Variants in MSRA observed in about 807,000 individuals in gnomAD.
MSRA encodes the protein methionine sulfoxide reductase A, also known as mitochondrial peptide methionine sulfoxide reductase.
A neutral mutation model predicts 31.3 loss-of-function variants in MSRA; 54 were observed. That is an observed-to-expected ratio of 1.73 (90% CI 1.39 to 2.17). The LOEUF (loss-of-function observed/expected upper bound fraction) is 2.17, where lower values mean the gene tolerates loss of function less well. MSRA is among the 30% of genes most tolerant of loss of function. The probability of loss-of-function intolerance (pLI) is 0.00; values close to 1 mark genes in which losing one functional copy is unlikely to be tolerated. For missense variants in MSRA, 507 were observed against 300.9 expected (o/e 1.69, Z -5.07); for synonymous variants, 169 against 116.5 (o/e 1.45, Z -2.90).
At chr8:10,127,822 C>T (rs1801608647) in intron 1 of MSRA, among the ~76,000 whole-genome samples, 1 of 152,084 alleles carries the variant, frequency 6.6e-6, no homozygotes, top group Admixed American at 6.5e-5. Flanking sequence ...AAAACCTCAT[C>T]CTTTTATCTT....
At chr8:10,145,876 T>G (rs1422310059) in intron 1 of MSRA, among the ~76,000 whole-genome samples, 1 of 152,190 alleles carries the variant, frequency 6.6e-6, no homozygotes, top group Non-Finnish European at 1.5e-5. Context: ...GAAAGCTTAT[T>G]CAATATCATT....
At position 10,183,772 on chromosome 8, in the gene MSRA, C is replaced by CTGGTGG. The variant is rs144951163; in HGVS notation, c.143-24028_143-24023dup. 2.0e-3 allele frequency among the ~76,000 whole-genome samples: 280 copies of CTGGTGG among 141,992 alleles called. 2 individuals are homozygous for CTGGTGG. Among genetic ancestry groups the CTGGTGG allele is most frequent in the African/African-American group, 6.9e-3 (256 of 37,174 alleles). The allele number at this position is 141,992 out of a possible 152,430, so 93.2% of individuals were successfully genotyped here. A position where few individuals can be genotyped will look rare whatever the true frequency, so the allele number is the denominator to read the frequency against. On this transcript the variant is annotated intron_variant, in intron 1 of 5. Coordinates refer to ENST00000317173, the MANE Select transcript of MSRA (RefSeq NM_012331.5). ...TGTGGCATCAGGGTGACAAGCTGAG[C>CTGGTGG]TGGTGGTGGTGGTGGTGGTGGTGGT...
At chr8:10,203,159 A>G (rs1285508831) in intron 1 of MSRA, among the ~76,000 whole-genome samples, 4 of 152,144 alleles carry the variant, frequency 2.6e-5, no homozygotes, top group Non-Finnish European at 4.4e-5. Context: ...TGATGAGGGA[A>G]TAGCAAGTGA....
intron 1 of MSRA, among the ~76,000 whole-genome samples, chr8:10,166,926 G>A (rs931239869): frequency 6.6e-6 from 1 of 152,102 alleles, no homozygotes; most frequent in Non-Finnish European, 1.5e-5. Context: ...AGCCATGATG[G>A]GTCTAGTGTA....
chr8:10,158,914 C>T (rs926306369), intron 1 of MSRA, among the ~76,000 whole-genome samples: 1 of 152,182 alleles, frequency 6.6e-6, no homozygotes, highest in African/African-American at 2.4e-5. Context: ...TTGATTATAG[C>T]CACTCTACTG....
intron 1 of MSRA, among the ~76,000 whole-genome samples, chr8:10,124,702 T>G (rs374156141): frequency 6.6e-6 from 1 of 152,236 alleles, no homozygotes; most frequent in Non-Finnish European, 1.5e-5. Context: ...CACTTATCTT[T>G]CCTGAAATTT....
At chr8:10,283,497 C>T (rs1056581045) in intron 3 of MSRA, among the ~76,000 whole-genome samples, 7 of 151,762 alleles carry the variant, frequency 4.6e-5, no homozygotes, top group Non-Finnish European at 1.0e-4. Context: ...TACATGAGTG[C>T]ATTCTTTAGT....
chr8:10,381,859 C>T (rs1368473273), intron 5 of MSRA, among the ~76,000 whole-genome samples: 1 of 152,132 alleles, frequency 6.6e-6, no homozygotes, highest in Non-Finnish European at 1.5e-5. Flanking sequence ...GAAAAATCAC[C>T]CTGGGTGATC....
At chr8:10,288,187 TTA>T (rs966389921) in intron 3 of MSRA, among the ~76,000 whole-genome samples, 4 of 152,232 alleles carry the variant, frequency 2.6e-5, no homozygotes, top group African/African-American at 4.8e-5. Flanking sequence ...TTTAAAAAAA[TTA>T]TAGTCGCCCT....
intron 4 of MSRA, among the ~76,000 whole-genome samples, chr8:10,304,321 A>G (rs1444651800): frequency 6.6e-6 from 1 of 152,264 alleles, no homozygotes; most frequent in Non-Finnish European, 1.5e-5. Context: ...ATATATTCCT[A>G]CAGGAAGAAA....
At chr8:10,254,948 A>C (rs1464340572) in intron 3 of MSRA, among the ~76,000 whole-genome samples, 1 of 152,234 alleles carries the variant, frequency 6.6e-6, no homozygotes, top group Admixed American at 6.5e-5. Flanking sequence ...TGGACTTTAC[A>C]GGTCATCTGT....
chr8:10,305,084 A>C (rs556901200), intron 4 of MSRA, among the ~76,000 whole-genome samples: 1 of 152,334 alleles, frequency 6.6e-6, no homozygotes, highest in South Asian at 2.1e-4. Flanking sequence ...AGCATGTTGA[A>C]AGATTTTAGT....
chr8:10,424,769 C>T (rs1055969264), intron 5 of MSRA, among the ~76,000 whole-genome samples: 2 of 152,134 alleles, frequency 1.3e-5, no homozygotes, highest in African/African-American at 2.4e-5. Context: ...TGGGGCAGGC[C>T]CAGATCTCCC....
At chr8:10,393,479 C>G (rs1806891680) in intron 5 of MSRA, among the ~76,000 whole-genome samples, 1 of 152,180 alleles carries the variant, frequency 6.6e-6, no homozygotes, top group African/African-American at 2.4e-5. Flanking sequence ...CATTCTATGG[C>G]TGACACAGCG....
chr8:10,236,738 G>T (rs562807629), intron 2 of MSRA, among the ~76,000 whole-genome samples: 1 of 152,140 alleles, frequency 6.6e-6, no homozygotes, highest in Non-Finnish European at 1.5e-5. Flanking sequence ...TAGAGATGGG[G>T]TTTTACTATG....
chr8:10,289,101 T>A (rs990284192), intron 3 of MSRA, among the ~76,000 whole-genome samples: 13 of 152,028 alleles, frequency 8.6e-5, no homozygotes, highest in Non-Finnish European at 1.8e-4. Flanking sequence ...CTGCAACCTC[T>A]GCCTCCCAGG....
intron 3 of MSRA, among the ~76,000 whole-genome samples, chr8:10,279,584 A>G (rs1225580449): frequency 6.6e-6 from 1 of 152,168 alleles, no homozygotes; most frequent in East Asian, 1.9e-4. Flanking sequence ...TTTTTTCCCC[A>G]TATGCATCCC....
intron 1 of MSRA, among the ~76,000 whole-genome samples, chr8:10,088,737 GAAAA>G (rs1211071786): frequency 6.7e-6 from 1 of 148,430 alleles, no homozygotes; most frequent in South Asian, 2.1e-4. Context: ...CTTCATCTCA[GAAAA>G]AAAAAGTCTA....
chr8:10,252,618 T>C (rs1034306173), intron 3 of MSRA, among the ~76,000 whole-genome samples: 1 of 152,172 alleles, frequency 6.6e-6, no homozygotes, highest in African/African-American at 2.4e-5. Context: ...CTCCCTCCCT[T>C]TCAAGCTTCT....
Sources: allele counts gnomAD v4.1 joint callset (sites outside exome capture counted in the v4.1 genomes callset), GRCh38; gene constraint gnomAD v4.1.1; transcripts MANE v1.5; gene names NCBI Gene and HGNC (gene_info 2026-07-23, HGNC 2026-07-21).